Variants in KCNT2 observed in about 807,000 individuals in gnomAD.
The protein encoded by KCNT2 is potassium channel subfamily T member 2.
KCNT2 carries 67 observed loss-of-function variants against 153.8 expected under a neutral mutation model. That is an observed-to-expected ratio of 0.44 (90% CI 0.36 to 0.53). The LOEUF is 0.53. Among genes scored for constraint, KCNT2 ranks in the 20% least tolerant of loss-of-function variants. The probability of loss-of-function intolerance (pLI) is 0.00; values close to 1 mark genes in which losing one functional copy is unlikely to be tolerated. For synonymous variants in KCNT2, 500 were observed against 458.8 expected, an observed-to-expected ratio of 1.09 and a Z score of -1.15; for missense variants, 975 against 1,354.8, an observed-to-expected ratio of 0.72 and a Z score of 4.40.
Position 196,227,314 on chromosome 1 carries a change from A to T in KCNT2, c.*910T>A, listed in dbSNP as rs1245431371. On this transcript the variant is annotated 3_prime_UTR_variant, in exon 28 of 28. Transcript: ENST00000294725. ...ATTTTAAAAGAATTTTTCTAGTGAA[A>T]TTTACTATATAGATATATGAATAGG... 1.3e-5 allele frequency: 2 copies of T among 152,012 alleles called. No individual in the cohort carries two copies. The highest frequency in any genetic ancestry group is 4.8e-5 in the African/African-American group (2 of 41,450). The allele number at this position is 152,012 out of a possible 1,614,324, so 9.4% of individuals were successfully genotyped here.
At position 196,407,342 on chromosome 1, in the gene KCNT2, C is replaced by A. The variant is rs1358463680; in HGVS notation, c.1186-8671G>T. Reference sequence around the variant, plus strand: ...CGTGTAACTGAAGTCCAGGGATGTACATCTGTCAAAAATTTACCAAAAATT... The same window carrying A: ...CGTGTAACTGAAGTCCAGGGATGTAAATCTGTCAAAAATTTACCAAAAATT... On this transcript the variant is annotated intron_variant, in intron 12 of 27. Transcript: ENST00000294725. Among the ~76,000 whole-genome samples, 3 of 151,440 alleles carry A rather than the reference C, an allele frequency of 2.0e-5. No homozygotes were observed. The East Asian group carries it at 5.8e-4, about 29-fold the overall frequency.
At chr1:196,394,201 C>T (rs561879657) in intron 13 of KCNT2, among the ~76,000 whole-genome samples, 2 of 151,568 alleles carry the variant, frequency 1.3e-5, no homozygotes, top group East Asian at 1.9e-4. Flanking sequence ...AAGATGGAGC[C>T]GCCTCCTGTG....
chr1:196,315,788 A>C, intron 21 of KCNT2, 104 bp downstream of exon 21: 2 of 950,834 alleles, frequency 2.1e-6, no homozygotes, highest in South Asian at 4.3e-5. Context: ...AAATGAACAT[A>C]AAGTTGGTGT....
At chr1:196,257,380 A>C in intron 26 of KCNT2, 1 of 977,610 alleles carries the variant, frequency 1.0e-6, no homozygotes, top group Non-Finnish European at 1.2e-6. Context: ...AAACAAGAGA[A>C]AAGGGTAAAT....
At chr1:196,341,456 T>C (rs753753550) in intron 15 of KCNT2, among the ~76,000 whole-genome samples, 4 of 152,056 alleles carry the variant, frequency 2.6e-5, no homozygotes, top group Non-Finnish European at 5.9e-5. Flanking sequence ...GGGGTTCCTG[T>C]ACATTACATA....
At chr1:196,341,467 A>C (rs1238090020) in intron 15 of KCNT2, among the ~76,000 whole-genome samples, 1 of 152,072 alleles carries the variant, frequency 6.6e-6, no homozygotes, top group Non-Finnish European at 1.5e-5. Context: ...ACATTACATA[A>C]TAGATTAGTT....
At chr1:196,354,050 T>C (rs907508768) in intron 14 of KCNT2, among the ~76,000 whole-genome samples, 1 of 151,912 alleles carries the variant, frequency 6.6e-6, no homozygotes, top group Non-Finnish European at 1.5e-5. Context: ...CCTACGTTTT[T>C]ATGAACCTGT....
intron 1 of KCNT2, among the ~76,000 whole-genome samples, chr1:196,591,383 A>C (rs1663345532): frequency 6.6e-6 from 1 of 152,118 alleles, no homozygotes; most frequent in South Asian, 2.1e-4. Context: ...TAATCTCTTT[A>C]TAAATCACCC....
At chr1:196,471,472 C>A (rs1166910383) in intron 5 of KCNT2, among the ~76,000 whole-genome samples, 1 of 152,084 alleles carries the variant, frequency 6.6e-6, no homozygotes, top group African/African-American at 2.4e-5. Context: ...TTTTACACGG[C>A]ATCATTTCCA....
chr1:196,473,067 A>G (rs1396785007), intron 5 of KCNT2, among the ~76,000 whole-genome samples: 3 of 152,244 alleles, frequency 2.0e-5, no homozygotes, highest in African/African-American at 7.2e-5. Flanking sequence ...CGGAATATAT[A>G]AAGTATATTC....
intron 1 of KCNT2, among the ~76,000 whole-genome samples, chr1:196,505,717 C>T (rs1195625958): frequency 6.6e-6 from 1 of 151,972 alleles, no homozygotes; most frequent in Non-Finnish European, 1.5e-5. Flanking sequence ...TACCCATGAG[C>T]ATGGAATGTT....
chr1:196,266,628 G>A (rs955743302), intron 25 of KCNT2, among the ~76,000 whole-genome samples: 24 of 152,044 alleles, frequency 1.6e-4, no homozygotes, highest in African/African-American at 5.6e-4. Flanking sequence ...TACAATAACT[G>A]GAACAAGGAA....
chr1:196,450,698 C>A (rs1676081669), intron 8 of KCNT2, among the ~76,000 whole-genome samples: 6 of 151,900 alleles, frequency 3.9e-5, no homozygotes. Context: ...TTCATAACCT[C>A]TTTCCTGGAG....
chr1:196,519,617 A>T (rs188430327), intron 1 of KCNT2, among the ~76,000 whole-genome samples: 1 of 152,148 alleles, frequency 6.6e-6, no homozygotes, highest in Non-Finnish European at 1.5e-5. Flanking sequence ...AGATATTACC[A>T]CTGTCCCCAC....
At chr1:196,273,410 G>C (rs1191285283) in intron 25 of KCNT2, 21 of 1,110,954 alleles carry the variant, frequency 1.9e-5, no homozygotes, top group Non-Finnish European at 1.9e-5. Context: ...TTCTTTAATA[G>C]CTCTGAATTA....
intron 13 of KCNT2, among the ~76,000 whole-genome samples, chr1:196,398,217 T>A (rs1256613497): frequency 2.6e-5 from 4 of 151,458 alleles, no homozygotes; most frequent in Admixed American, 6.6e-5. Flanking sequence ...CCCATCTATG[T>A]GTAAACCTAT....
intron 8 of KCNT2, among the ~76,000 whole-genome samples, chr1:196,461,338 G>A (rs986521883): frequency 1.3e-5 from 2 of 151,422 alleles, no homozygotes; most frequent in African/African-American, 4.8e-5. Flanking sequence ...AGACTGAGAA[G>A]GTGAATTGAT....
chr1:196,505,096 C>T (rs1032900489), intron 1 of KCNT2, among the ~76,000 whole-genome samples: 1 of 152,036 alleles, frequency 6.6e-6, no homozygotes, highest in Non-Finnish European at 1.5e-5. Context: ...TAATTAGATC[C>T]CATTTGTCAA....
intron 20 of KCNT2, chr1:196,317,381 G>T: frequency 3.4e-6 from 1 of 296,040 alleles, no homozygotes; most frequent in South Asian, 2.7e-5. Flanking sequence ...GGATACTTGG[G>T]TCTTTCTTTT....
Sources: allele counts gnomAD v4.1 joint callset (sites outside exome capture counted in the v4.1 genomes callset), GRCh38; gene constraint gnomAD v4.1.1; transcripts MANE v1.5; gene names NCBI Gene and HGNC (gene_info 2026-07-23, HGNC 2026-07-21).